Variants in SRP54 observed in about 807,000 individuals in gnomAD.
SRP54 encodes signal recognition particle 54.
Under a neutral mutation model 64.8 loss-of-function variants are expected in SRP54, and 10 were observed. The ratio of observed to expected loss-of-function variants is 0.15; its 90% confidence interval spans 0.10 to 0.26. SRP54 has a LOEUF of 0.26. Ranked by LOEUF, SRP54 falls within the 10% of genes least tolerant of loss-of-function variation. The probability of loss-of-function intolerance (pLI) is 1.00; values close to 1 mark genes in which losing one functional copy is unlikely to be tolerated. For synonymous variants in SRP54, 193 were observed against 185.6 expected (o/e 1.04, Z -0.32); for missense variants, 325 against 613.7 (o/e 0.53, Z 4.97).
intron 1 of SRP54, among the ~76,000 whole-genome samples, chr14:34,987,246 A>AATATATAT (rs1555352659): frequency 1.5e-4 from 17 of 110,056 alleles, no homozygotes; most frequent in African/African-American, 4.8e-4. Context: ...AAAAAAAAAA[A>AATATATAT]ATATATATAT....
chr14:34,995,135 GTGTGTGTGTGTGTGTGTGTGTGTGT>G (rs2044049003), intron 1 of SRP54, among the ~76,000 whole-genome samples: 3 of 56,692 alleles, frequency 5.3e-5, no homozygotes, highest in South Asian at 5.5e-4. Context: ...TCAATAAAGG[GTGTGTGTGTGTGTGTGTGTGTGTGT>G]GTGTGTGTGT....
chr14:34,991,825 G>A (rs946833557), intron 1 of SRP54, among the ~76,000 whole-genome samples: 2 of 152,120 alleles, frequency 1.3e-5, no homozygotes, highest in African/African-American at 4.8e-5. Context: ...TTCTAACACG[G>A]AGTTTTCAGG....
At chr14:35,017,224 T>G (rs1377481957) in intron 11 of SRP54, among the ~76,000 whole-genome samples, 1 of 152,216 alleles carries the variant, frequency 6.6e-6, no homozygotes, top group Non-Finnish European at 1.5e-5. Context: ...TGGGTGTATA[T>G]TCCTACTCTG....
intron 11 of SRP54, among the ~76,000 whole-genome samples, chr14:35,016,840 C>CTTTCTTTTTTTT (rs2044447775): frequency 1.4e-5 from 1 of 71,616 alleles, no homozygotes; most frequent in Non-Finnish European, 3.0e-5. Context: ...CCTTTTTTTT[C>CTTTCTTTTTTTT]TTTTCTTTTT....
chr14:35,021,877 C>T (rs2044536230), intron 13 of SRP54, among the ~76,000 whole-genome samples: 1 of 152,176 alleles, frequency 6.6e-6, no homozygotes, highest in African/African-American at 2.4e-5. Context: ...GGAATGCAGA[C>T]ATAATGGACA....
At chr14:35,007,529 TTA>T (rs2044276754) in intron 5 of SRP54, 142 bp downstream of exon 5, 1 of 205,518 alleles carries the variant, frequency 4.9e-6, no homozygotes, top group Admixed American at 6.1e-5. Flanking sequence ...TAGAATGCAT[TTA>T]TATATTATAA....
chr14:35,008,836 G>A lies in SRP54; in HGVS notation c.485+5G>A. The stretch of plus-strand genomic sequence containing the variant: ...AAGAATTCCATTTTATGGAAGGTAG[G>A]TTACTGTTTTTTATTTTAACACTTA... On this transcript the variant is annotated splice_donor_5th_base_variant and intron_variant, in intron 7 of 15. Transcript: ENST00000216774. 2.5e-6 allele frequency: 4 copies of A among 1,579,690 alleles called. No individual in the cohort carries two copies. The highest frequency in any genetic ancestry group is 3.4e-6 in the Non-Finnish European group (4 of 1,160,668).
Position 35,022,220 on chromosome 14 carries a change from A to G in SRP54, c.1157-690A>G, listed in dbSNP as rs113003945. 6.6e-5 allele frequency among the ~76,000 whole-genome samples: 10 copies of G among 152,232 alleles called. 1 individual carries two copies. The highest frequency in any genetic ancestry group is 3.3e-4 in the Admixed American group (5 of 15,276). On this transcript the variant is annotated intron_variant, in intron 13 of 15. Coordinates refer to ENST00000216774, the MANE Select transcript of SRP54 (RefSeq NM_003136.4). Reference sequence around the variant, plus strand: ...TGGAGGGCCTGGAGAGGGTAGACATATGAAGTATGGAAATGTTGGACATGG... The same window carrying G: ...TGGAGGGCCTGGAGAGGGTAGACATGTGAAGTATGGAAATGTTGGACATGG...
At chr14:35,001,136 A>G (rs760722007) in intron 4 of SRP54, 116 bp downstream of exon 4, 13 of 407,960 alleles carry the variant, frequency 3.2e-5, no homozygotes, top group Non-Finnish European at 4.2e-5. Context: ...CATCTGTATT[A>G]AAATATTAAT....
intron 2 of SRP54, among the ~76,000 whole-genome samples, chr14:34,998,872 G>A (rs2044115663): frequency 6.6e-6 from 1 of 151,130 alleles, no homozygotes; most frequent in Non-Finnish European, 1.5e-5. Context: ...CTACATAATA[G>A]TGACAGGAGC....
rs143146410 is a variant in SRP54, at chr14:35,005,367, G to A, written c.256-1916G>A. Among the ~76,000 whole-genome samples, 482 of 150,130 alleles carry A rather than the reference G, an allele frequency of 3.2e-3. 1 individual carries two copies. The highest frequency in any genetic ancestry group is 4.9e-3 in the Non-Finnish European group (331 of 67,796). ...AACAAAAAAAGTGGTAAATGAATGG[G>A]CATGACTGTATTAGATTGAAATTTT... On this transcript the variant is annotated intron_variant, in intron 4 of 15. Transcript: ENST00000216774.
rs1566645505 is a variant in SRP54 at position 34,998,994 on chromosome 14, TGTGTGTGTGTGTGTGTGTGG to T, written c.79-563_79-544del. ...GTGTATGTGTGTGTGTGTGTGTGTG[TGTGTGTGTGTGTGTGTGTGG>T]TTTTTTTTTTTTTTTTTTGAGACAA... On this transcript the variant is annotated intron_variant, in intron 2 of 15. Transcript: ENST00000216774. Among the ~76,000 whole-genome samples, 82 of 96,086 alleles carry T rather than the reference TGTGTGTGTGTGTGTGTGTGG, an allele frequency of 8.5e-4. 2 individuals carry two copies. Among genetic ancestry groups the T allele is most frequent in the African/African-American group, 2.0e-3 (61 of 29,918 alleles). The allele number at this position is 96,086 out of a possible 152,430, so 63.0% of individuals were successfully genotyped here.
intron 5 of SRP54, 131 bp from the exon 6 acceptor site, chr14:35,008,494 AAT>A: frequency 1.9e-6 from 1 of 525,640 alleles, no homozygotes. Context: ...AAAAATCTTT[AAT>A]AATATTTTCA....
intron 14 of SRP54, 44 bp from the exon 15 acceptor site, chr14:35,028,044 T>G (rs780991520): frequency 7.5e-7 from 1 of 1,329,614 alleles, no homozygotes; most frequent in African/African-American, 1.5e-5. Context: ...ACTGATTATA[T>G]TACCTCCTAC....
At chr14:35,022,878 TTG>T in intron 13 of SRP54, 30 bp from the exon 14 acceptor site, 3 of 1,545,940 alleles carry the variant, frequency 1.9e-6, no homozygotes, top group Admixed American at 1.9e-5. Context: ...TGAATGATAA[TTG>T]TGTGTGAGAG....
intron 2 of SRP54, among the ~76,000 whole-genome samples, chr14:34,998,975 G>A (rs1346888680): frequency 7.4e-5 from 4 of 53,770 alleles, no homozygotes; most frequent in Non-Finnish European, 1.5e-4. Context: ...TTGTGTGTAT[G>A]TGTGTGTGTG....
At chr14:34,986,503 G>A (rs930136655) in intron 1 of SRP54, among the ~76,000 whole-genome samples, 1 of 152,134 alleles carries the variant, frequency 6.6e-6, no homozygotes, top group Admixed American at 6.6e-5. Context: ...CACAAGGAAC[G>A]CTTTGGAAAA....
intron 4 of SRP54, among the ~76,000 whole-genome samples, chr14:35,003,474 G>A (rs540160815): frequency 2.6e-5 from 4 of 151,972 alleles, no homozygotes; most frequent in Admixed American, 1.3e-4. Context: ...TCCTGGGCTC[G>A]AGCGATCTTC....
At chr14:35,023,954 A>T (rs549651517) in intron 14 of SRP54, among the ~76,000 whole-genome samples, 1 of 152,178 alleles carries the variant, frequency 6.6e-6, no homozygotes, top group East Asian at 1.9e-4. Context: ...GAGACCAGGG[A>T]TTTTTGCCTG....
Sources: gnomAD v4.1 joint callset for allele counts (sites outside exome capture counted in the v4.1 genomes callset) on GRCh38, gnomAD v4.1.1 for gene constraint, MANE v1.5 for transcripts, NCBI Gene and HGNC (gene_info 2026-07-23, HGNC 2026-07-21) for gene names.